Variants in LOC400499 observed in about 807,000 individuals in gnomAD.
chr16:11,412,230 C>A, the LOC400499 span, among the ~76,000 whole-genome samples: 1 of 152,202 alleles, frequency 6.6e-6, no homozygotes, highest in East Asian at 1.9e-4. Context: ...ACCTCCATGT[C>A]TCAGCCTTGG....
chr16:11,424,573 C>A, the LOC400499 span, among the ~76,000 whole-genome samples: 1 of 152,212 alleles, frequency 6.6e-6, no homozygotes. Context: ...TCTGGTCCAA[C>A]CTCACAGCAC....
At chr16:11,446,343 A>C in the LOC400499 span, among the ~76,000 whole-genome samples, 1 of 151,900 alleles carries the variant, frequency 6.6e-6, no homozygotes, top group South Asian at 2.1e-4. Context: ...TCTTTTGTAG[A>C]AACAGGGTTT....
At chr16:11,428,248 T>C in the LOC400499 span, among the ~76,000 whole-genome samples, 1 of 151,272 alleles carries the variant, frequency 6.6e-6, no homozygotes, top group Admixed American at 6.6e-5. Context: ...AATCTCTCAC[T>C]GCAACCTCCA....
At chr16:11,459,922 GCC>G in the LOC400499 span, 1 of 1,482,402 alleles carries the variant, frequency 6.7e-7, no homozygotes, top group South Asian at 1.4e-5. Flanking sequence ...CTCAGGGCGG[GCC>G]CCGAGTCATT....
At chr16:11,514,149 C>T in the LOC400499 span, among the ~76,000 whole-genome samples, 1 of 152,194 alleles carries the variant, frequency 6.6e-6, no homozygotes, top group Non-Finnish European at 1.5e-5. Flanking sequence ...AGGGACTCAA[C>T]CAAGCCAGGG....
At chr16:11,403,367 G>A in the LOC400499 span, among the ~76,000 whole-genome samples, 26 of 152,300 alleles carry the variant, frequency 1.7e-4, no homozygotes, top group Middle Eastern at 3.4e-3. Context: ...TGTCAACACC[G>A]TGTGGGGCTG....
At chr16:11,437,885 A>G in the LOC400499 span, among the ~76,000 whole-genome samples, 4 of 152,100 alleles carry the variant, frequency 2.6e-5, no homozygotes, top group Admixed American at 2.6e-4. Flanking sequence ...TACTAATGAT[A>G]ATAATGTTTG....
At chr16:11,423,055 C>G in the LOC400499 span, 1 of 398,248 alleles carries the variant, frequency 2.5e-6, no homozygotes, top group Non-Finnish European at 4.4e-6. Context: ...ATGTGAGTAT[C>G]TCCTGGCAGC....
chr16:11,482,262 T>C, the LOC400499 span, among the ~76,000 whole-genome samples: 1 of 152,166 alleles, frequency 6.6e-6, no homozygotes, highest in African/African-American at 2.4e-5. Flanking sequence ...GGAGGGGGAA[T>C]GGAGGCTGAG....
the LOC400499 span, among the ~76,000 whole-genome samples, chr16:11,378,675 C>T: frequency 1.3e-5 from 2 of 152,166 alleles, no homozygotes; most frequent in African/African-American, 4.8e-5. Context: ...CTGATTTTTC[C>T]TTATTTTCTT....
chr16:11,460,982 T>C, the LOC400499 span: 6 of 1,535,202 alleles, frequency 3.9e-6, no homozygotes, highest in East Asian at 2.4e-5. Context: ...CTGTACTGGA[T>C]CCTCAGGGAG....
the LOC400499 span, among the ~76,000 whole-genome samples, chr16:11,463,055 A>G: frequency 6.6e-6 from 1 of 152,204 alleles, no homozygotes; most frequent in East Asian, 1.9e-4. Context: ...GTACAACCCA[A>G]AGTCCTTGTG....
At chr16:11,476,706 C>G in the LOC400499 span, 1 of 399,544 alleles carries the variant, frequency 2.5e-6, no homozygotes, top group Non-Finnish European at 4.4e-6. Context: ...ACACCACACA[C>G]CTGCTCACCT....
At chr16:11,483,762 C>A in the LOC400499 span, among the ~76,000 whole-genome samples, 4 of 150,926 alleles carry the variant, frequency 2.7e-5, no homozygotes, top group Non-Finnish European at 5.9e-5. Context: ...ATAGTCCCAG[C>A]TACTCCGGAA....
the LOC400499 span, among the ~76,000 whole-genome samples, chr16:11,421,394 G>C: frequency 1.3e-5 from 2 of 151,724 alleles, no homozygotes; most frequent in Non-Finnish European, 2.9e-5. Context: ...CACTCACTCT[G>C]GTATTTTTTG....
chr16:11,410,380 G>T, the LOC400499 span, among the ~76,000 whole-genome samples: 1 of 152,202 alleles, frequency 6.6e-6, no homozygotes, highest in Non-Finnish European at 1.5e-5. Context: ...CTTGAACCGG[G>T]GAGGCGGAGG....
At chr16:11,513,513 C>G in the LOC400499 span, among the ~76,000 whole-genome samples, 1 of 152,034 alleles carries the variant, frequency 6.6e-6, no homozygotes, top group African/African-American at 2.4e-5. Flanking sequence ...CTCACTGCAC[C>G]TCCGCCTCCC....
the LOC400499 span, chr16:11,391,552 G>T: frequency 1.1e-6 from 1 of 908,686 alleles, no homozygotes; most frequent in Non-Finnish European, 1.4e-6. Flanking sequence ...GGGAAGCGAG[G>T]CCACATTTCT....
chr16:11,495,780 G>GCAGGAAGCTGAGACA, the LOC400499 span, among the ~76,000 whole-genome samples: 341 of 152,304 alleles, frequency 2.2e-3, 3 homozygotes, highest in African/African-American at 7.7e-3. Context: ...ATTTTGCAGA[G>GCAGGAAGCTGAGACA]CAGGAAGCTG....
Sources: gnomAD v4.1 joint callset for allele counts (sites outside exome capture counted in the v4.1 genomes callset) on GRCh38, gnomAD v4.1.1 for gene constraint, MANE v1.5 for transcripts.